OXR1: variants seen among roughly 807,000 people sequenced by gnomAD.
OXR1 encodes the protein oxidation resistance 1.
Under a neutral mutation model 104.6 loss-of-function variants are expected in OXR1, and 41 were observed. The ratio of observed to expected loss-of-function variants is 0.39; its 90% CI spans 0.31 to 0.51. The LOEUF (loss-of-function observed/expected upper bound fraction) is 0.51. OXR1 is among the 20% of genes least tolerant of loss of function. OXR1 has a pLI of 0.77. For missense variants in OXR1, 955 were observed against 1,031.9 expected (o/e 0.93, Z 1.02); for synonymous variants, 348 against 348.4 (o/e 1.00, Z 0.01).
chr8:106,505,202 AC>A (rs1303404870), intron 2 of OXR1, among the ~76,000 whole-genome samples: 3 of 152,200 alleles, frequency 2.0e-5, no homozygotes, highest in Non-Finnish European at 4.4e-5. Context: ...ACTGAGCCAA[AC>A]TAAGAATGAA....
intron 3 of OXR1, among the ~76,000 whole-genome samples, chr8:106,536,230 GAAA>G (rs1814529180): frequency 2.2e-4 from 4 of 18,526 alleles, no homozygotes; most frequent in African/African-American, 5.4e-4. Flanking sequence ...AAAAAAAAAA[GAAA>G]GAAAGAAAGA....
At chr8:106,279,617 A>G (rs1300395200) in intron 1 of OXR1, among the ~76,000 whole-genome samples, 1 of 152,218 alleles carries the variant, frequency 6.6e-6, no homozygotes, top group Non-Finnish European at 1.5e-5. Flanking sequence ...TACATTATAG[A>G]TAACTACATA....
intron 3 of OXR1, among the ~76,000 whole-genome samples, chr8:106,581,638 T>C (rs766619428): frequency 2.0e-5 from 3 of 152,164 alleles, no homozygotes; most frequent in Non-Finnish European, 4.4e-5. Flanking sequence ...TGAACGCAGA[T>C]GAATAAAATG....
intron 3 of OXR1, among the ~76,000 whole-genome samples, chr8:106,558,279 A>C (rs1816432383): frequency 6.6e-6 from 1 of 152,200 alleles, no homozygotes; most frequent in African/African-American, 2.4e-5. Flanking sequence ...AGCAGCCCAA[A>C]AGCCAGCAGC....
intron 3 of OXR1, among the ~76,000 whole-genome samples, chr8:106,592,936 T>G (rs941463406): frequency 6.6e-6 from 1 of 152,204 alleles, no homozygotes; most frequent in Non-Finnish European, 1.5e-5. Flanking sequence ...CTGAACTCCA[T>G]GTTTTCTAAA....
At chr8:106,473,892 T>C (rs1407775728) in intron 2 of OXR1, among the ~76,000 whole-genome samples, 1 of 149,400 alleles carries the variant, frequency 6.7e-6, no homozygotes, top group Non-Finnish European at 1.5e-5. Context: ...ATAGCCCTTA[T>C]CAATGGAAGG....
Position 106,478,026 on chromosome 8 carries a change from G to A in OXR1, c.24-40917G>A, listed in dbSNP as rs189659727. On this transcript the variant is annotated intron_variant, in intron 2 of 16. Coordinates refer to ENST00000517566, the MANE Select transcript of OXR1 (RefSeq NM_001198533.2). Reference sequence around the variant, plus strand: ...CTGTCAGAATAAAAGGGAGTAAAAGGGAAGTAAATTTAAAGGCCTTCCATA... The same window carrying A: ...CTGTCAGAATAAAAGGGAGTAAAAGAGAAGTAAATTTAAAGGCCTTCCATA... Among the ~76,000 whole-genome samples the A allele has an allele frequency of 2.7e-3, 415 of 151,862 alleles. 1 individual carries two copies. Among genetic ancestry groups the A allele is most frequent in the Middle Eastern group, 0.01 (3 of 294 alleles).
At chr8:106,328,693 A>C (rs1454888956) in intron 1 of OXR1, among the ~76,000 whole-genome samples, 1 of 152,186 alleles carries the variant, frequency 6.6e-6, no homozygotes, top group Non-Finnish European at 1.5e-5. Flanking sequence ...AAAGGCAAGA[A>C]AGTAATAAGA....
Position 106,299,196 on chromosome 8 carries a change from T to C in OXR1, c.-139+28829T>C, listed in dbSNP as rs141394828. Among the ~76,000 whole-genome samples the C allele has an allele frequency of 4.6e-5, 7 of 152,036 alleles. No homozygotes were observed. In the East Asian group the frequency reaches 1.4e-3, roughly 29 times the overall value. On this transcript the variant is annotated intron_variant, in intron 1 of 16. Coordinates refer to ENST00000517566, the MANE Select transcript of OXR1 (RefSeq NM_001198533.2). ...ATTTCATTCTGGACTGAGGCTGACA[T>C]TGTAGCCTATACCTGTAATACTACC...
intron 1 of OXR1, among the ~76,000 whole-genome samples, chr8:106,273,429 G>A (rs1811900112): frequency 6.6e-6 from 1 of 152,314 alleles, no homozygotes; most frequent in Non-Finnish European, 1.5e-5. Context: ...CCCCCTAGGG[G>A]ATACTGACAA....
intron 1 of OXR1, among the ~76,000 whole-genome samples, chr8:106,296,996 G>T (rs948078289): frequency 6.6e-6 from 1 of 152,104 alleles, no homozygotes; most frequent in South Asian, 2.1e-4. Context: ...TGATGGTAAC[G>T]CTACTCAACA....
intron 3 of OXR1, among the ~76,000 whole-genome samples, chr8:106,575,488 A>C (rs1350216256): frequency 6.6e-6 from 1 of 152,146 alleles, no homozygotes; most frequent in Non-Finnish European, 1.5e-5. Flanking sequence ...CACATGTACC[A>C]GCAATGTTAC....
chr8:106,616,017 A>AAT (rs1210704462), intron 3 of OXR1, among the ~76,000 whole-genome samples: 1 of 149,062 alleles, frequency 6.7e-6, no homozygotes, highest in Non-Finnish European at 1.5e-5. Flanking sequence ...ATTAATATCC[A>AAT]ATGAAACACC....
rs139024240 is a variant in OXR1 at position 106,282,373 on chromosome 8, A to G, written c.-139+12006A>G. The stretch of plus-strand genomic sequence containing the variant: ...CATTTATGCTCATCACAACTTTGAA[A>G]ATATGATTATTAGACCTGCTGTTAG... On this transcript the variant is annotated intron_variant, in intron 1 of 16. Transcript: ENST00000517566. Among the ~76,000 whole-genome samples, 575 of 152,314 alleles carry G rather than the reference A, an allele frequency of 3.8e-3. 7 individuals are homozygous for G. The highest frequency in any genetic ancestry group is 0.013 in the African/African-American group (544 of 41,574).
Position 106,525,299 on chromosome 8 carries a change from T to G in OXR1, c.220+6160T>G, listed in dbSNP as rs563625219. 3.9e-5 allele frequency among the ~76,000 whole-genome samples: 6 copies of G among 152,306 alleles called. No homozygotes were observed. The South Asian group carries it at 6.2e-4, about 16-fold the overall frequency. ...ACACAGGGTAATGGCCTCACTTTCA[T>G]GAAAATCAGAAGTCCAGAGAGGTTA... On this transcript the variant is annotated intron_variant, in intron 3 of 16. Transcript: ENST00000517566.
At chr8:106,433,288 A>G (rs533543350) in intron 2 of OXR1, among the ~76,000 whole-genome samples, 4 of 152,086 alleles carry the variant, frequency 2.6e-5, no homozygotes, top group African/African-American at 4.8e-5. Context: ...CAGATTATCA[A>G]TCTGAGTGGT....
chr8:106,694,680 A>G (rs190776308), intron 7 of OXR1, among the ~76,000 whole-genome samples: 2,139 of 106,500 alleles, frequency 0.02, 81 homozygotes, highest in Admixed American at 0.029. Flanking sequence ...TTATATATTT[A>G]ATATATAAAT....
At chr8:106,682,574 A>G (rs1188647562) in intron 4 of OXR1, 1 of 154,072 alleles carries the variant, frequency 6.5e-6, no homozygotes, top group African/African-American at 2.4e-5. Flanking sequence ...GGCCTTCTTT[A>G]GAGCGCTCTT....
At chr8:106,360,571 A>G (rs1816199287) in intron 2 of OXR1, among the ~76,000 whole-genome samples, 1 of 151,972 alleles carries the variant, frequency 6.6e-6, no homozygotes, top group African/African-American at 2.4e-5. Flanking sequence ...TGAAGGACCC[A>G]CTGTTCATGG....
Sources: allele counts gnomAD v4.1 joint callset (sites outside exome capture counted in the v4.1 genomes callset), GRCh38; gene constraint gnomAD v4.1.1; transcripts MANE v1.5; gene names NCBI Gene and HGNC (gene_info 2026-07-23, HGNC 2026-07-21).